SMIM5: variants seen among roughly 807,000 people sequenced by gnomAD.
SMIM5 encodes small integral membrane protein 5.
In SMIM5, 4 loss-of-function variants were observed where a neutral mutation model predicts 4.0. That is an observed-to-expected ratio of 1.01 (90% CI 0.50 to 2.30). SMIM5 has a LOEUF of 2.30. Among genes scored for constraint, SMIM5 ranks in the 30% most tolerant of loss-of-function variants. The pLI is 0.02. For missense variants in SMIM5, 107 were observed against 99.2 expected (o/e 1.08, Z -0.34); for synonymous variants, 46 against 43.6 (o/e 1.05, Z -0.22).
intron 1 of SMIM5, chr17:75,635,897 G>C: frequency 1.0e-6 from 1 of 982,924 alleles, no homozygotes; most frequent in African/African-American, 1.7e-5. Flanking sequence ...AGGAAACAGG[G>C]AAGCTTCGGG....
intron 1 of SMIM5, among the ~76,000 whole-genome samples, chr17:75,635,464 C>T (rs924657414): frequency 6.6e-6 from 1 of 152,234 alleles, no homozygotes; most frequent in Non-Finnish European, 1.5e-5. Flanking sequence ...GCAGAAAGAG[C>T]GCCTACTGTT....
intron 1 of SMIM5, 166 bp from the exon 2 acceptor site, chr17:75,640,000 G>T: frequency 1.5e-6 from 1 of 654,110 alleles, no homozygotes; most frequent in Non-Finnish European, 2.5e-6. Flanking sequence ...TGTCAGCTGG[G>T]TGGGGACTGA....
intron 1 of SMIM5, among the ~76,000 whole-genome samples, chr17:75,635,998 C>T (rs2059314842): frequency 6.6e-6 from 1 of 152,228 alleles, no homozygotes; most frequent in Non-Finnish European, 1.5e-5. Context: ...GCTTCCCATC[C>T]CTCCGGCTCT....
At chr17:75,635,689 C>G in intron 1 of SMIM5, 1 of 652,912 alleles carries the variant, frequency 1.5e-6, no homozygotes, top group Non-Finnish European at 1.9e-6. Flanking sequence ...ATGCCTCCTT[C>G]TAGGTGGACC....
chr17:75,635,938 G>T (rs1336198237), intron 1 of SMIM5: 2 of 854,780 alleles, frequency 2.3e-6, no homozygotes, highest in Non-Finnish European at 1.4e-6. Flanking sequence ...CCTGCGGGAT[G>T]CCTGCCTGTT....
chr17:75,635,605 C>G (rs1040237721), intron 1 of SMIM5, among the ~76,000 whole-genome samples: 3 of 152,222 alleles, frequency 2.0e-5, no homozygotes, highest in African/African-American at 4.8e-5. Flanking sequence ...CCCAAAGGCT[C>G]AGTGCCACAA....
chr17:75,640,143 A>G lies in SMIM5; in HGVS notation c.-36-23A>G, dbSNP rs937302205. On this transcript the variant is annotated intron_variant, in intron 1 of 2. Coordinates refer to ENST00000375215, the MANE Select transcript of SMIM5 (RefSeq NM_001162995.3). This position sits in a 1 kb window ranked among gnomAD's most constrained non-coding sequence, Gnocchi z 4.6. ...GTGTGGGGCCAGCCGTGGAGGCTCC[A>G]GGTGTTCTCTCTGCCCCAGCAGAGC... The G allele has an allele frequency of 2.7e-6, 4 of 1,492,290 alleles. 1 individual carries two copies. The highest frequency in any genetic ancestry group is 1.8e-6 in the Non-Finnish European group (2 of 1,123,392). The allele number at this position is 1,492,290 out of a possible 1,614,324, so 92.4% of individuals were successfully genotyped here. A position where few individuals can be genotyped will look rare whatever the true frequency, so the allele number is the denominator to read the frequency against.
chr17:75,637,105 C>A (rs2059337933), intron 1 of SMIM5: 1 of 152,360 alleles, frequency 6.6e-6, no homozygotes, highest in Non-Finnish European at 1.5e-5. Context: ...GCAACAAACC[C>A]CACTTTTCCT....
chr17:75,639,098 C>G (rs997350430), intron 1 of SMIM5: 1 of 152,316 alleles, frequency 6.6e-6, no homozygotes, highest in Non-Finnish European at 1.5e-5. Flanking sequence ...GGGCCCCGTT[C>G]GATGACCTTC....
chr17:75,635,208 G>C lies in SMIM5; in HGVS notation c.-37+1006G>C, dbSNP rs573660593. ...CAGCAGAGGCTGGGGGCTTCGGCTG[G>C]GGCTGGTGTCTGGGGAGACAAGCTC... On this transcript the variant is annotated intron_variant, in intron 1 of 2. Transcript: ENST00000375215. Among the ~76,000 whole-genome samples the C allele has an allele frequency of 1.8e-3, 276 of 152,332 alleles. 2 individuals carry two copies. The highest frequency in any genetic ancestry group is 2.2e-3 in the Admixed American group (34 of 15,310).
rs77898201 is a variant in SMIM5 at position 75,640,898 on chromosome 17, C to T, written c.*1C>T. The T allele has an allele frequency of 2.9e-3, 4,456 of 1,543,364 alleles. 81 individuals are homozygous for T. The African/African-American group carries it at 0.052, about 18-fold the overall frequency. On this transcript the variant is annotated 3_prime_UTR_variant, in exon 3 of 3. Transcript: ENST00000375215. This position sits in a 1 kb window ranked among gnomAD's most constrained non-coding sequence, Gnocchi z 4.6. Reference sequence around the variant, plus strand: ...CCAGGTGCAGCCGACACCACCATGACGGACGGGCGATGGCTGAGGAGAAGC... The same window carrying T: ...CCAGGTGCAGCCGACACCACCATGATGGACGGGCGATGGCTGAGGAGAAGC...
At chr17:75,634,276 G>A (rs546076284) in intron 1 of SMIM5, 74 bp downstream of exon 1, 1 of 984,278 alleles carries the variant, frequency 1.0e-6, no homozygotes, top group Admixed American at 6.1e-5. Context: ...CAGGGTGAAG[G>A]GCCACAGTCT....
rs374259953 is a variant in SMIM5, at chr17:75,641,244, T to C, written c.*347T>C. 1 of 228,708 alleles carries C rather than the reference T, an allele frequency of 4.4e-6. No individual in the cohort carries two copies. Among genetic ancestry groups the C allele is most frequent in the Non-Finnish European group, 8.9e-6 (1 of 112,020 alleles). The allele number at this position is 228,708 out of a possible 1,614,324, so 14.2% of individuals were successfully genotyped here. On this transcript the variant is annotated 3_prime_UTR_variant, in exon 3 of 3. Coordinates refer to ENST00000375215, the MANE Select transcript of SMIM5 (RefSeq NM_001162995.3). ...GAGAACAGTCCCCACCTGTGGGCAA[T>C]TGGCCCTTGGGGCTCTGCTGATACA...
Position 75,633,767 on chromosome 17 carries a change from G to A in SMIM5, c.-472G>A. The A allele has an allele frequency of 9.8e-7, 1 of 1,022,390 alleles. No individual in the cohort carries two copies. Among genetic ancestry groups the A allele is most frequent in the Non-Finnish European group, 1.2e-6 (1 of 850,068 alleles). 63.3% of individuals were successfully genotyped at this position (1,022,390 alleles called of 1,614,324 possible). On this transcript the variant is annotated 5_prime_UTR_variant, in exon 1 of 3. Coordinates refer to ENST00000375215, the MANE Select transcript of SMIM5 (RefSeq NM_001162995.3). ...TGCAGGACTCCCCTCCACAGGCTCA[G>A]GTGGAGCCTCCCCAGGGTCCTCCTG...
In SMIM5 at chr17:75,641,208, A is replaced by G; in HGVS notation, c.*311A>G. On this transcript the variant is annotated 3_prime_UTR_variant, in exon 3 of 3. Transcript: ENST00000375215. The stretch of plus-strand genomic sequence containing the variant: ...ACAAAACAAGGAAGTAGGGGTCCCC[A>G]TACCTTGATGGAGAACAGTCCCCAC... 1 of 323,234 alleles carries G rather than the reference A, an allele frequency of 3.1e-6. No individual in the cohort carries two copies. Among genetic ancestry groups the G allele is most frequent in the Non-Finnish European group, 6.0e-6 (1 of 167,286 alleles). The allele number at this position is 323,234 out of a possible 1,614,324, so 20.0% of individuals were successfully genotyped here. A position where few individuals can be genotyped will look rare whatever the true frequency, so the allele number is the denominator to read the frequency against.
At position 75,640,105 on chromosome 17, in the gene SMIM5, GGTGCTGCGACGAGTGTGGGGCCA is replaced by G; in HGVS notation, c.-36-59_-36-37del. On this transcript the variant is annotated intron_variant, in intron 1 of 2. Coordinates refer to ENST00000375215, the MANE Select transcript of SMIM5 (RefSeq NM_001162995.3). This position sits in a 1 kb window ranked among gnomAD's most constrained non-coding sequence, Gnocchi z 4.6. ...CGGATGGGTGCGAGGGTGGAATCTC[GGTGCTGCGACGAGTGTGGGGCCA>G]GCCGTGGAGGCTCCAGGTGTTCTCT... The G allele has an allele frequency of 1.4e-6, 2 of 1,429,064 alleles. No homozygotes were observed. The highest frequency in any genetic ancestry group is 1.8e-6 in the Non-Finnish European group (2 of 1,090,596). The allele number at this position is 1,429,064 out of a possible 1,614,324, so 88.5% of individuals were successfully genotyped here.
Position 75,635,335 on chromosome 17 carries a change from CCCCA to C in SMIM5, c.-37+1134_-37+1137del, listed in dbSNP as rs1388484304. ...CCCAGTGGCTGTCACTCACAAGACG[CCCCA>C]GGCAGGCAGGTGGGGATCCCTGTCC... On this transcript the variant is annotated intron_variant, in intron 1 of 2. Coordinates refer to ENST00000375215, the MANE Select transcript of SMIM5 (RefSeq NM_001162995.3). Among the ~76,000 whole-genome samples the C allele has an allele frequency of 2.6e-5, 4 of 152,278 alleles. No homozygotes were observed. The East Asian group carries it at 7.7e-4, about 29-fold the overall frequency.
chr17:75,634,312 G>A (rs1427193665), intron 1 of SMIM5, 110 bp downstream of exon 1: 3 of 956,630 alleles, frequency 3.1e-6, no homozygotes, highest in Admixed American at 6.2e-5. Context: ...AGGTCTTCGG[G>A]GACATGCTGG....
Position 75,640,335 on chromosome 17 carries a change from TG to T in SMIM5, c.127+11del, listed in dbSNP as rs1368454496. On this transcript the variant is annotated splice_region_variant and intron_variant, in intron 2 of 2. Transcript: ENST00000375215. This position sits in a 1 kb window ranked among gnomAD's most constrained non-coding sequence, Gnocchi z 4.6. ...GTCATCATCCTTTTCACAGGTTAGT[TG>T]GGGCACTCAGCACCCCATGGCTCTC... 9 of 1,542,872 alleles carry T rather than the reference TG, an allele frequency of 5.8e-6. 1 individual carries two copies. The highest frequency in any genetic ancestry group is 3.3e-4 in the Middle Eastern group (2 of 5,986).
Sources: allele counts gnomAD v4.1 joint callset (sites outside exome capture counted in the v4.1 genomes callset), GRCh38; gene constraint gnomAD v4.1.1; non-coding constraint Gnocchi (gnomAD v3.1); transcripts MANE v1.5; gene names NCBI Gene and HGNC (gene_info 2026-07-23, HGNC 2026-07-21).